NT5E: variants seen among roughly 807,000 people sequenced by gnomAD.
The protein encoded by NT5E is 5'-nucleotidase.
NT5E carries 53 observed loss-of-function variants against 55.1 expected under a neutral mutation model. That is an observed-to-expected ratio of 0.96 (90% confidence interval 0.77 to 1.21). NT5E has a LOEUF of 1.21. NT5E is among the 50% of genes most tolerant of loss of function. NT5E has a pLI of 0.00. For missense variants in NT5E, 683 were observed against 724.3 expected (o/e 0.94, Z 0.65); for synonymous variants, 270 against 278.4 (o/e 0.97, Z 0.30).
intron 1 of NT5E, among the ~76,000 whole-genome samples, chr6:85,453,078 C>T (rs1768920523): frequency 6.6e-6 from 1 of 152,096 alleles, no homozygotes; most frequent in Non-Finnish European, 1.5e-5. Context: ...GTAGAGGACC[C>T]AGGGCAATCC....
intron 7 of NT5E, among the ~76,000 whole-genome samples, 184 bp downstream of exon 7, chr6:85,490,841 TCAAAGCCC>T (rs928636182): frequency 5.9e-5 from 9 of 152,134 alleles, no homozygotes; most frequent in Admixed American, 4.6e-4. Context: ...TAGGTTGGGG[TCAAAGCCC>T]CAAAGCCCCA....
chr6:85,452,599 T>C (rs961734830), intron 1 of NT5E, among the ~76,000 whole-genome samples: 1 of 152,184 alleles, frequency 6.6e-6, no homozygotes, highest in African/African-American at 2.4e-5. Context: ...GCGGATCACA[T>C]GGCAAGGTTA....
At chr6:85,460,445 C>T (rs1769073907) in intron 1 of NT5E, among the ~76,000 whole-genome samples, 1 of 152,158 alleles carries the variant, frequency 6.6e-6, no homozygotes, top group Non-Finnish European at 1.5e-5. Context: ...GGTTTTTTCA[C>T]AACAATAAAA....
chr6:85,491,232 T>C, intron 7 of NT5E: 1 of 377,270 alleles, frequency 2.7e-6, no homozygotes, highest in Non-Finnish European at 5.2e-6. Context: ...AATAAATGCT[T>C]CCTAAATTGC....
Position 85,493,544 on chromosome 6 carries a change from C to T in NT5E, c.1562-297C>T, listed in dbSNP as rs577034549. On this transcript the variant is annotated intron_variant, in intron 8 of 8. Transcript: ENST00000257770. ...GCTCTTGACCCAGTTCCCTAATGCC[C>T]TTGTTCTGGAGTGGTTCAAAGGCTA... Among the ~76,000 whole-genome samples the T allele has an allele frequency of 1.1e-3, 167 of 152,286 alleles. 1 individual carries two copies. The highest frequency in any genetic ancestry group is 4.0e-3 in the African/African-American group (167 of 41,542).
At chr6:85,489,415 A>G in intron 5 of NT5E, 79 bp from the exon 6 acceptor site, 1 of 986,608 alleles carries the variant, frequency 1.0e-6, no homozygotes, top group South Asian at 1.3e-5. Flanking sequence ...TTTCCTCACT[A>G]GAGCTAACCA....
intron 5 of NT5E, 102 bp downstream of exon 5, chr6:85,487,591 A>C: frequency 6.7e-7 from 1 of 1,481,886 alleles, no homozygotes; most frequent in Non-Finnish European, 9.4e-7. Context: ...CTACAGAATG[A>C]GGGATTTCAA....
chr6:85,457,143 C>T (rs142104482), intron 1 of NT5E, among the ~76,000 whole-genome samples: 88 of 152,332 alleles, frequency 5.8e-4, no homozygotes, highest in African/African-American at 2.1e-3. Flanking sequence ...GATTCTTCTA[C>T]TTCCGCTTAC....
chr6:85,452,954 A>G (rs1768916305), intron 1 of NT5E, among the ~76,000 whole-genome samples: 1 of 152,158 alleles, frequency 6.6e-6, no homozygotes. Flanking sequence ...ACTGAAGCAT[A>G]TGGAGGACAA....
At chr6:85,491,953 A>T in intron 7 of NT5E, 24 bp from the exon 8 acceptor site, 1 of 1,606,842 alleles carries the variant, frequency 6.2e-7, no homozygotes, top group Non-Finnish European at 8.5e-7. Flanking sequence ...GGATCTGGTG[A>T]AAACAGATTC....
chr6:85,461,452 A>G (rs1769097150), intron 1 of NT5E, among the ~76,000 whole-genome samples: 1 of 152,218 alleles, frequency 6.6e-6, no homozygotes, highest in Admixed American at 6.5e-5. Context: ...GCGAGCCACA[A>G]AGCCCTGAAG....
At chr6:85,489,684 C>A in intron 6 of NT5E, 85 bp downstream of exon 6, 1 of 918,558 alleles carries the variant, frequency 1.1e-6, no homozygotes, top group Non-Finnish European at 1.8e-6. Context: ...TGAACACACC[C>A]ATGTGCAGCC....
At position 85,485,572 on chromosome 6, in the gene NT5E, C is replaced by A; in HGVS notation, c.949+140C>A. 4 of 880,856 alleles carry A rather than the reference C, an allele frequency of 4.5e-6. 1 individual carries two copies. The allele number at this position is 880,856 out of a possible 1,614,324, so 54.6% of individuals were successfully genotyped here. ...GAATTTAGTTTCTTCCTTGAGTTTG[C>A]CCTCTTCATGGATAGATTTAAAACA... On this transcript the variant is annotated intron_variant, in intron 4 of 8. Transcript: ENST00000257770.
In NT5E at chr6:85,494,105, T is replaced by A; in HGVS notation, c.*101T>A. 9.0e-7 allele frequency: 1 copy of A among 1,111,696 alleles called. No individual in the cohort carries two copies. Among genetic ancestry groups the A allele is most frequent in the Non-Finnish European group, 1.3e-6 (1 of 743,600 alleles). 68.9% of individuals were successfully genotyped at this position (1,111,696 alleles called of 1,614,324 possible). Reference sequence around the variant, plus strand: ...GGCTTTGTGACAGCAAAAACCATCTTTACAGGCTCCTAGAAGCTGAAGGTT... The same window carrying A: ...GGCTTTGTGACAGCAAAAACCATCTATACAGGCTCCTAGAAGCTGAAGGTT... On this transcript the variant is annotated 3_prime_UTR_variant, in exon 9 of 9. Coordinates refer to ENST00000257770, the MANE Select transcript of NT5E (RefSeq NM_002526.4).
chr6:85,469,565 T>G (rs898911494), intron 2 of NT5E, among the ~76,000 whole-genome samples: 1 of 152,142 alleles, frequency 6.6e-6, no homozygotes, highest in Non-Finnish European at 1.5e-5. Flanking sequence ...GTATACCTTG[T>G]TGTTTCAAAG....
intron 3 of NT5E, among the ~76,000 whole-genome samples, chr6:85,474,176 C>T (rs1335847016): frequency 2.6e-5 from 4 of 152,090 alleles, no homozygotes; most frequent in Non-Finnish European, 4.4e-5. Flanking sequence ...TGCACATCCT[C>T]GCATATATTT....
intron 3 of NT5E, among the ~76,000 whole-genome samples, chr6:85,472,976 T>C (rs969159381): frequency 6.6e-6 from 1 of 152,172 alleles, no homozygotes; most frequent in African/African-American, 2.4e-5. Context: ...TGATAAATAT[T>C]GTTCCATGGG....
chr6:85,488,338 C>T (rs568299835), intron 5 of NT5E, among the ~76,000 whole-genome samples: 18 of 152,292 alleles, frequency 1.2e-4, no homozygotes, highest in African/African-American at 4.3e-4. Flanking sequence ...GATACAACTG[C>T]ACTCGATAAA....
At chr6:85,473,083 A>C (rs1475408907) in intron 3 of NT5E, among the ~76,000 whole-genome samples, 1 of 152,242 alleles carries the variant, frequency 6.6e-6, no homozygotes, top group Non-Finnish European at 1.5e-5. Flanking sequence ...CATTGTTAGC[A>C]TGGATAACAT....
Sources: gnomAD v4.1 joint callset for allele counts (sites outside exome capture counted in the v4.1 genomes callset) on GRCh38, gnomAD v4.1.1 for gene constraint, MANE v1.5 for transcripts, NCBI Gene and HGNC (gene_info 2026-07-23, HGNC 2026-07-21) for gene names.